NPTN: variants seen among roughly 807,000 people sequenced by gnomAD.
NPTN encodes neuroplastin, also known as SDR-1.
NPTN carries 5 observed loss-of-function variants against 42.7 expected under a neutral mutation model. The observed-to-expected ratio is 0.12, with a 90% confidence interval of 0.06 to 0.25. The LOEUF is 0.25. Ranked by LOEUF, NPTN falls within the 10% of genes least tolerant of loss-of-function variation. NPTN has a pLI of 1.00. For synonymous variants in NPTN, 180 were observed against 201.9 expected (o/e 0.89, Z 0.92); for missense variants, 307 against 525.4 (o/e 0.58, Z 4.06).
intron 1 of NPTN, among the ~76,000 whole-genome samples, chr15:73,604,096 G>A (rs1368714550): frequency 2.6e-5 from 4 of 151,854 alleles, no homozygotes; most frequent in Non-Finnish European, 5.9e-5. Context: ...CTACTGACAA[G>A]CTAAACAAGC....
chr15:73,571,860 C>T (rs980536259), intron 5 of NPTN, among the ~76,000 whole-genome samples: 3 of 152,156 alleles, frequency 2.0e-5, no homozygotes, highest in African/African-American at 7.2e-5. Flanking sequence ...ATGGGGAACT[C>T]GTAAGCTTTT....
chr15:73,610,459 GTTTAAA>G lies in NPTN; in HGVS notation c.92-13096_92-13091del, dbSNP rs1263134230. On this transcript the variant is annotated intron_variant, in intron 1 of 8. Transcript: ENST00000345330. The stretch of plus-strand genomic sequence containing the variant: ...CTGCATATGAGTGAGAACATGCAGT[GTTTAAA>G]TTACCATTCCTGGGTTATTTCACTT... Among the ~76,000 whole-genome samples the G allele has an allele frequency of 7.2e-5, 11 of 152,290 alleles. No individual in the cohort carries two copies. In the East Asian group the frequency reaches 2.1e-3, roughly 29 times the overall value.
At chr15:73,631,202 C>T (rs1010252092) in intron 1 of NPTN, among the ~76,000 whole-genome samples, 3 of 152,212 alleles carry the variant, frequency 2.0e-5, no homozygotes, top group African/African-American at 7.2e-5. Context: ...TCAAGAATCT[C>T]TCACCTATTG....
At chr15:73,624,611 G>A (rs919612919) in intron 1 of NPTN, among the ~76,000 whole-genome samples, 4 of 152,018 alleles carry the variant, frequency 2.6e-5, no homozygotes, top group Non-Finnish European at 5.9e-5. Context: ...CTAAAAACTA[G>A]GAAATAATCC....
intron 6 of NPTN, chr15:73,568,652 G>A (rs1895181947): frequency 2.0e-6 from 2 of 985,340 alleles, no homozygotes; most frequent in Non-Finnish European, 2.4e-6. Flanking sequence ...ACTTCATAAA[G>A]TAGGAAAGTA....
In NPTN at chr15:73,627,237, A is replaced by T. The variant is rs532831722; in HGVS notation, c.91+5888T>A. On this transcript the variant is annotated intron_variant, in intron 1 of 8. Coordinates refer to ENST00000345330, the MANE Select transcript of NPTN (RefSeq NM_012428.4). Reference sequence around the variant, plus strand: ...GGCAACAGAGCAAGACTCCATCTTTAAAAAAAAATTGACATATTTCTGGAA... The same window carrying T: ...GGCAACAGAGCAAGACTCCATCTTTTAAAAAAAATTGACATATTTCTGGAA... 8.6e-5 allele frequency among the ~76,000 whole-genome samples: 13 copies of T among 151,872 alleles called. No homozygotes were observed. The East Asian group carries it at 2.3e-3, about 27-fold the overall frequency.
At chr15:73,631,432 C>G (rs729155) in intron 1 of NPTN, among the ~76,000 whole-genome samples, 16,497 of 152,156 alleles carry the variant, frequency 0.11, 1,160 homozygotes, top group African/African-American at 0.2. Flanking sequence ...CTTCCTGACC[C>G]CTGCAGTGAT....
chr15:73,601,126 C>T (rs779148326), intron 1 of NPTN, among the ~76,000 whole-genome samples: 3 of 152,146 alleles, frequency 2.0e-5, no homozygotes, highest in South Asian at 4.1e-4. Context: ...AGGGCAGGTG[C>T]GGAGACAGGT....
rs536815649 is a variant in NPTN, at chr15:73,596,912, G to A, written c.439+110C>T. On this transcript the variant is annotated intron_variant, in intron 2 of 8. Coordinates refer to ENST00000345330, the MANE Select transcript of NPTN (RefSeq NM_012428.4). Reference sequence around the variant, plus strand: ...GGGATTGAAAAAAAAACGAAGACAAGGGGTGGGGTGAGTGATCATACTGGG... The same window carrying A: ...GGGATTGAAAAAAAAACGAAGACAAAGGGTGGGGTGAGTGATCATACTGGG... 37 of 882,296 alleles carry A rather than the reference G, an allele frequency of 4.2e-5. 1 individual carries two copies. The South Asian group carries it at 6.2e-4, about 15-fold the overall frequency. The allele number at this position is 882,296 out of a possible 1,614,324, so 54.7% of individuals were successfully genotyped here. A position where few individuals can be genotyped will look rare whatever the true frequency, so the allele number is the denominator to read the frequency against.
intron 1 of NPTN, among the ~76,000 whole-genome samples, chr15:73,620,424 A>T (rs1898077857): frequency 1.3e-5 from 2 of 152,194 alleles, no homozygotes; most frequent in African/African-American, 2.4e-5. Flanking sequence ...CCTGCCTTTT[A>T]TAGGGCATTT....
intron 1 of NPTN, among the ~76,000 whole-genome samples, chr15:73,623,142 T>C (rs1353744412): frequency 6.6e-6 from 1 of 152,254 alleles, no homozygotes; most frequent in Non-Finnish European, 1.5e-5. Flanking sequence ...CTAGGTTTCA[T>C]ATAAAGTCTA....
intron 6 of NPTN, chr15:73,568,817 ACCT>A (rs1283601163): frequency 4.1e-6 from 4 of 985,308 alleles, no homozygotes; most frequent in Admixed American, 6.2e-5. Context: ...TCATCAACAA[ACCT>A]CCTCACCAGC....
intron 1 of NPTN, among the ~76,000 whole-genome samples, chr15:73,610,156 A>G (rs893395353): frequency 2.6e-5 from 4 of 151,698 alleles, no homozygotes; most frequent in African/African-American, 7.3e-5. Flanking sequence ...GCATGATCAT[A>G]GCTCACTGTA....
chr15:73,607,499 C>G (rs1380370252), intron 1 of NPTN, among the ~76,000 whole-genome samples: 1 of 152,168 alleles, frequency 6.6e-6, no homozygotes, highest in Non-Finnish European at 1.5e-5. Context: ...TAAGTATAAT[C>G]TAGAAGACAT....
Position 73,570,396 on chromosome 15 carries a change from A to T in NPTN, c.868T>A (p.Phe290Ile), listed in dbSNP as rs768150791. The change falls in exon 6 of 9, where the codon TTC becomes ATC. Residue 290 changes from phenylalanine (F) to isoleucine (I), a missense_variant. Physicochemically the swap from Phe to Ile is conservative, Grantham distance 21. This residue lies in a region of NPTN where 264 missense variants were observed against 491.1 expected (regional missense o/e 0.54). Transcript: ENST00000345330. This position sits in a 1 kb window ranked among gnomAD's most constrained non-coding sequence, Gnocchi z 4.0. ...GTGTAATTTTCCTTGTTGATGATGA[A>T]GAAGCGGCCAGAGGTATTGACAATG... ...MDIVNTSGRFFIINKENYTEL... is the reference protein window; with the variant it reads ...MDIVNTSGRFIIINKENYTEL... 6.2e-6 allele frequency: 10 copies of T among 1,613,246 alleles called. No individual in the cohort carries two copies. Among genetic ancestry groups the T allele is most frequent in the African/African-American group, 2.7e-5 (2 of 74,938 alleles).
intron 1 of NPTN, among the ~76,000 whole-genome samples, chr15:73,616,764 A>C (rs954323816): frequency 6.6e-6 from 1 of 152,204 alleles, no homozygotes; most frequent in African/African-American, 2.4e-5. Flanking sequence ...AAACACCAGT[A>C]AAAAATATTG....
rs1898276972 is a variant in NPTN at position 73,624,105 on chromosome 15, A to T, written c.91+9020T>A. On this transcript the variant is annotated intron_variant, in intron 1 of 8. Transcript: ENST00000345330. ...TTAGCTCCTTCAGGCTTTTCTCCTAAATCTTAAGCTACCATCAACATAGAT... is the reference window on the plus strand; with the variant it reads ...TTAGCTCCTTCAGGCTTTTCTCCTATATCTTAAGCTACCATCAACATAGAT... Among the ~76,000 whole-genome samples, 4 of 152,296 alleles carry T rather than the reference A, an allele frequency of 2.6e-5. No individual in the cohort carries two copies. The South Asian group carries it at 8.3e-4, about 32-fold the overall frequency.
rs749543703 is a variant in NPTN at position 73,570,151 on chromosome 15, G to A, written c.1113C>T (p.Asp371=). 22 of 1,603,770 alleles carry A rather than the reference G, an allele frequency of 1.4e-5. No individual in the cohort carries two copies. Among genetic ancestry groups the A allele is most frequent in the Admixed American group, 1.7e-5 (1 of 59,444 alleles). Residue 371 remains aspartate (D), a splice_region_variant and synonymous_variant, in exon 6 of 9, where the codon GAC becomes GAT. Coordinates refer to ENST00000345330, the MANE Select transcript of NPTN (RefSeq NM_012428.4). This position sits in a 1 kb window ranked among gnomAD's most constrained non-coding sequence, Gnocchi z 4.0. ...EKRKRPDEVP[D]DDEPAGPMKT... Reference sequence around the variant, plus strand: ...GCTATTTTGTAGGGATGCTCTTACCGTCAGGAACCTCATCTGGCCTCTTCC... The same window carrying A: ...GCTATTTTGTAGGGATGCTCTTACCATCAGGAACCTCATCTGGCCTCTTCC...
chr15:73,596,076 C>T (rs1896822818), intron 2 of NPTN, among the ~76,000 whole-genome samples: 1 of 152,168 alleles, frequency 6.6e-6, no homozygotes, highest in South Asian at 2.1e-4. Flanking sequence ...GTACACTGTG[C>T]CAACAGCTAC....
Sources: gnomAD v4.1 joint callset for allele counts (sites outside exome capture counted in the v4.1 genomes callset) on GRCh38, gnomAD v4.1.1 for gene constraint, gnomAD v4.1.1 regional missense constraint, Gnocchi (gnomAD v3.1) non-coding constraint, MANE v1.5 for transcripts, NCBI Gene and HGNC (gene_info 2026-07-23, HGNC 2026-07-21) for gene names.